Variants in UNC13B observed in about 807,000 individuals in gnomAD.
The protein encoded by UNC13B is protein unc-13 homolog B.
UNC13B carries 144 observed loss-of-function variants against 211.0 expected under a neutral mutation model. The observed-to-expected ratio is 0.68, with a 90% CI of 0.60 to 0.78. The LOEUF is 0.78. Among genes scored for constraint, UNC13B ranks in the 30% least tolerant of loss-of-function variants. The pLI, the probability that UNC13B is intolerant of heterozygous loss-of-function variation, is 0.00. For missense variants in UNC13B, 1,777 were observed against 2,002.0 expected, an observed-to-expected ratio of 0.89 and a Z score of 2.14; for synonymous variants, 709 against 725.8, an observed-to-expected ratio of 0.98 and a Z score of 0.37.
intron 1 of UNC13B, among the ~76,000 whole-genome samples, chr9:35,178,885 C>CAAAAAAAAAAAAAAAAAAAAAAA (rs35487632): frequency 1.6e-5 from 1 of 61,120 alleles, no homozygotes; most frequent in African/African-American, 6.5e-5. Flanking sequence ...GAGACAGCCT[C>CAAAAAAAAAAAAAAAAAAAAAAA]AAAAAAAAAA....
chr9:35,308,835 T>G (rs1410376689), intron 9 of UNC13B, among the ~76,000 whole-genome samples: 2 of 152,214 alleles, frequency 1.3e-5, no homozygotes, highest in Non-Finnish European at 2.9e-5. Flanking sequence ...GAGATGGGGA[T>G]AGATCTATTT....
intron 7 of UNC13B, among the ~76,000 whole-genome samples, chr9:35,288,740 T>A (rs903357743): frequency 6.6e-6 from 1 of 152,244 alleles, no homozygotes; most frequent in Non-Finnish European, 1.5e-5. Flanking sequence ...TCATTCAATT[T>A]ATTAGTACAG....
intron 5 of UNC13B, among the ~76,000 whole-genome samples, chr9:35,239,863 A>C (rs897704806): frequency 6.6e-5 from 10 of 152,210 alleles, no homozygotes; most frequent in Non-Finnish European, 1.3e-4. Flanking sequence ...CTTCAAGGTT[A>C]TCTCTCTTTT....
chr9:35,327,613 T>C (rs1311950829), intron 11 of UNC13B, among the ~76,000 whole-genome samples: 5 of 152,202 alleles, frequency 3.3e-5, no homozygotes, highest in South Asian at 2.1e-4. Context: ...CCCACCCACA[T>C]TGAGGGTGGG....
chr9:35,187,878 G>C (rs561249386), intron 1 of UNC13B, among the ~76,000 whole-genome samples: 1 of 152,256 alleles, frequency 6.6e-6, no homozygotes, highest in Admixed American at 6.5e-5. Context: ...TCTTCTCATG[G>C]GGCTTTTATT....
In UNC13B at chr9:35,396,621, A is replaced by T; in HGVS notation, c.11435+19A>T. 1 of 1,613,516 alleles carries T rather than the reference A, an allele frequency of 6.2e-7. No homozygotes were observed. The highest frequency in any genetic ancestry group is 8.5e-7 in the Non-Finnish European group (1 of 1,179,882). On this transcript the variant is annotated intron_variant, in intron 27 of 39. Transcript: ENST00000635942. Reference sequence around the variant, plus strand: ...ACCCAGCGTGAGTCATCATGTGGGCACTACAGAGGGAAGGGAGCCCTCTGG... The same window carrying T: ...ACCCAGCGTGAGTCATCATGTGGGCTCTACAGAGGGAAGGGAGCCCTCTGG...
intron 6 of UNC13B, among the ~76,000 whole-genome samples, chr9:35,254,920 A>G (rs1274203968): frequency 7.5e-5 from 6 of 80,360 alleles, no homozygotes; most frequent in African/African-American, 2.1e-4. Flanking sequence ...TATAATATAC[A>G]TATATAATAT....
intron 21 of UNC13B, 81 bp from the exon 22 acceptor site, chr9:35,384,165 G>A (rs1835033049): frequency 1.3e-6 from 2 of 1,594,320 alleles, no homozygotes; most frequent in Admixed American, 1.7e-5. Flanking sequence ...TCATCCAGGG[G>A]TGGTTCTGTT....
intron 11 of UNC13B, among the ~76,000 whole-genome samples, chr9:35,356,613 T>G (rs541804000): frequency 1.4e-4 from 21 of 152,166 alleles, no homozygotes; most frequent in Non-Finnish European, 3.1e-4. Flanking sequence ...GAGTTATAAT[T>G]CATGTGCCAT....
intron 7 of UNC13B, among the ~76,000 whole-genome samples, chr9:35,288,628 G>A (rs561943115): frequency 2.6e-5 from 4 of 152,178 alleles, no homozygotes; most frequent in African/African-American, 9.7e-5. Context: ...ATCTTATGAC[G>A]GTTCTGAGCT....
At chr9:35,400,261 G>A (rs779909711) in intron 36 of UNC13B, 35 bp from the exon 37 acceptor site, 3 of 1,608,036 alleles carry the variant, frequency 1.9e-6, no homozygotes, top group Non-Finnish European at 1.7e-6. Context: ...TCTGTAAGGG[G>A]ATGAAGCAGT....
intron 11 of UNC13B, among the ~76,000 whole-genome samples, chr9:35,319,032 T>G (rs1279393022): frequency 1.3e-5 from 2 of 152,176 alleles, no homozygotes; most frequent in African/African-American, 4.8e-5. Flanking sequence ...TCTTAAAACT[T>G]CTACCCAGAA....
intron 22 of UNC13B, chr9:35,384,722 A>T: frequency 2.0e-6 from 2 of 985,298 alleles, no homozygotes; most frequent in Non-Finnish European, 2.4e-6. Context: ...TGGCTAGGGG[A>T]CAGAGAGTAG....
chr9:35,353,839 C>G (rs950935447), intron 11 of UNC13B: 105 of 1,221,490 alleles, frequency 8.6e-5, no homozygotes, highest in Non-Finnish European at 1.1e-4. Context: ...TAACAGGGTC[C>G]CAGCTGGCTA....
At chr9:35,290,184 G>A (rs1829020517) in intron 7 of UNC13B, among the ~76,000 whole-genome samples, 1 of 152,032 alleles carries the variant, frequency 6.6e-6, no homozygotes, top group Admixed American at 6.6e-5. Context: ...CAAAGCTTCT[G>A]TGTTTTAGTG....
intron 6 of UNC13B, among the ~76,000 whole-genome samples, chr9:35,246,305 G>A (rs1587456985): frequency 6.6e-6 from 1 of 152,032 alleles, no homozygotes; most frequent in East Asian, 1.9e-4. Flanking sequence ...TAGGTTGCCT[G>A]TTGACTCTGA....
At chr9:35,279,301 C>T (rs1305137072) in intron 7 of UNC13B, among the ~76,000 whole-genome samples, 1 of 152,108 alleles carries the variant, frequency 6.6e-6, no homozygotes, top group Non-Finnish European at 1.5e-5. Context: ...TAGTATTAGG[C>T]CTTTTGTGAC....
intron 6 of UNC13B, among the ~76,000 whole-genome samples, chr9:35,256,737 C>T (rs1756601385): frequency 6.6e-6 from 1 of 152,168 alleles, no homozygotes; most frequent in Non-Finnish European, 1.5e-5. Flanking sequence ...CATATACATA[C>T]ATATTCACAT....
chr9:35,397,338 C>T, intron 29 of UNC13B, 28 bp downstream of exon 29: 1 of 1,609,638 alleles, frequency 6.2e-7, no homozygotes, highest in Non-Finnish European at 8.5e-7. Context: ...TACTCCCTCC[C>T]CCTTACCACC....
Sources: allele counts gnomAD v4.1 joint callset (sites outside exome capture counted in the v4.1 genomes callset), GRCh38; gene constraint gnomAD v4.1.1; transcripts MANE v1.5; gene names NCBI Gene and HGNC (gene_info 2026-07-23, HGNC 2026-07-21).